Variants in PCSK5 observed in about 807,000 individuals in gnomAD.
The protein encoded by PCSK5 is prohormone convertase 5.
In PCSK5, 129 loss-of-function variants were observed where a neutral mutation model predicts 233.2. That is an observed-to-expected ratio of 0.55 (90% CI 0.48 to 0.64). The LOEUF is 0.64. Among genes scored for constraint, PCSK5 ranks in the 30% least tolerant of loss-of-function variants. The pLI is 0.00. For synonymous variants in PCSK5, 825 were observed against 879.2 expected (o/e 0.94, Z 1.09); for missense variants, 2,076 against 2,430.1 (o/e 0.85, Z 3.06).
intron 33 of PCSK5, among the ~76,000 whole-genome samples, chr9:76,330,474 C>T (rs922581485): frequency 6.6e-6 from 1 of 152,034 alleles, no homozygotes; most frequent in Non-Finnish European, 1.5e-5. Context: ...GTAGGCTGGG[C>T]GCAGTGGCTC....
At chr9:76,113,929 T>C (rs1832324992) in intron 9 of PCSK5, among the ~76,000 whole-genome samples, 1 of 152,120 alleles carries the variant, frequency 6.6e-6, no homozygotes, top group Admixed American at 6.6e-5. Context: ...CTTTTCCTTT[T>C]AAGAGAGTTT....
At chr9:76,265,175 T>C (rs1008823629) in intron 24 of PCSK5, among the ~76,000 whole-genome samples, 1 of 152,088 alleles carries the variant, frequency 6.6e-6, no homozygotes, top group African/African-American at 2.4e-5. Flanking sequence ...AAATACTGCC[T>C]GTTCTCATTT....
chr9:76,264,017 A>G (rs1827261616), intron 24 of PCSK5, among the ~76,000 whole-genome samples: 1 of 152,166 alleles, frequency 6.6e-6, no homozygotes, highest in Admixed American at 6.5e-5. Context: ...CTAAGCAAAA[A>G]GAAGAAAGCT....
intron 32 of PCSK5, among the ~76,000 whole-genome samples, chr9:76,325,136 A>C (rs1482313906): frequency 6.6e-6 from 1 of 152,144 alleles, no homozygotes; most frequent in African/African-American, 2.4e-5. Context: ...CTGTGTCCGC[A>C]TGCAGAAGAG....
rs892413909 is a variant in PCSK5, at chr9:76,064,534, C to T, written c.633-3421C>T. 3.7e-4 allele frequency among the ~76,000 whole-genome samples: 55 copies of T among 149,518 alleles called. 2 individuals are homozygous for T. The highest frequency in any genetic ancestry group is 1.3e-3 in the African/African-American group (52 of 39,954). On this transcript the variant is annotated intron_variant, in intron 5 of 37. Coordinates refer to ENST00000674117, the MANE Select transcript of PCSK5 (RefSeq NM_001372043.1). The stretch of plus-strand genomic sequence containing the variant: ...GAACCCCCCCAACCTCCCTCCCGGA[C>T]GGGGTGGCTGCCGGGCGGAGACGCT...
intron 12 of PCSK5, among the ~76,000 whole-genome samples, chr9:76,159,428 A>G (rs1469779786): frequency 3.3e-5 from 5 of 152,232 alleles, no homozygotes; most frequent in African/African-American, 1.2e-4. Flanking sequence ...TCTTGATCCT[A>G]CAAAAGAATT....
intron 1 of PCSK5, among the ~76,000 whole-genome samples, chr9:75,908,865 C>G: frequency 7.4e-6 from 1 of 135,104 alleles, no homozygotes; most frequent in East Asian, 2.6e-4. Context: ...ATGCATCCTT[C>G]TCTTTCTATT....
chr9:76,008,494 C>G (rs555502574), intron 3 of PCSK5, among the ~76,000 whole-genome samples: 317 of 151,716 alleles, frequency 2.1e-3, no homozygotes, highest in Non-Finnish European at 3.7e-3. Context: ...TGGAGTCTCG[C>G]TCTGTCACCC....
At chr9:76,150,948 TTTTC>T in intron 10 of PCSK5, among the ~76,000 whole-genome samples, 1 of 152,024 alleles carries the variant, frequency 6.6e-6, no homozygotes. Flanking sequence ...ACTTCCCACT[TTTTC>T]TTTCTTCCGT....
chr9:76,180,429 G>A (rs950791804), intron 15 of PCSK5, among the ~76,000 whole-genome samples: 2 of 152,110 alleles, frequency 1.3e-5, no homozygotes, highest in African/African-American at 4.8e-5. Context: ...TAGGCCATCA[G>A]TGTGGCAAAG....
intron 14 of PCSK5, chr9:76,175,460 C>T (rs34807264): frequency 0.065 from 25,453 of 393,150 alleles, 966 homozygotes; most frequent in South Asian, 0.12. Context: ...GTCCATATTG[C>T]GATTGTACCA....
At chr9:76,051,819 G>T (rs914722214) in intron 5 of PCSK5, among the ~76,000 whole-genome samples, 3 of 152,168 alleles carry the variant, frequency 2.0e-5, no homozygotes, top group Admixed American at 1.3e-4. Flanking sequence ...AATCAGACAG[G>T]CTGCTCCCAA....
chr9:76,295,224 G>A, intron 25 of PCSK5, 51 bp from the exon 26 acceptor site: 1 of 1,530,678 alleles, frequency 6.5e-7, no homozygotes, highest in Non-Finnish European at 8.9e-7. Flanking sequence ...TTATGGTGAA[G>A]AGAAATACAT....
intron 30 of PCSK5, among the ~76,000 whole-genome samples, chr9:76,315,939 T>TG (rs200509649): frequency 0.016 from 2,384 of 150,012 alleles, 59 homozygotes; most frequent in African/African-American, 0.054. Flanking sequence ...TTTTTTTTTT[T>TG]TTTTTTTTTT....
chr9:76,054,824 C>T (rs1829761829), intron 5 of PCSK5, among the ~76,000 whole-genome samples: 1 of 152,028 alleles, frequency 6.6e-6, no homozygotes, highest in Non-Finnish European at 1.5e-5. Context: ...TCAGATTTCA[C>T]TGGTTTTGAC....
chr9:76,130,292 C>G (rs977948528), intron 9 of PCSK5, among the ~76,000 whole-genome samples: 9 of 152,124 alleles, frequency 5.9e-5, no homozygotes, highest in Admixed American at 5.9e-4. Context: ...GAGGACGCGA[C>G]GTGCCATACT....
intron 35 of PCSK5, among the ~76,000 whole-genome samples, chr9:76,343,040 C>A (rs532237216): frequency 6.6e-6 from 1 of 152,244 alleles, no homozygotes; most frequent in African/African-American, 2.4e-5. Flanking sequence ...GGTCTTCCTA[C>A]CTTTAGCATT....
At chr9:76,241,960 G>A (rs1215250534) in intron 24 of PCSK5, among the ~76,000 whole-genome samples, 2 of 152,186 alleles carry the variant, frequency 1.3e-5, no homozygotes, top group Non-Finnish European at 2.9e-5. Flanking sequence ...CTGAGGATTT[G>A]TGTTTCTGAC....
At chr9:76,202,747 T>G (rs1354470152) in intron 20 of PCSK5, among the ~76,000 whole-genome samples, 1 of 152,216 alleles carries the variant, frequency 6.6e-6, no homozygotes, top group Non-Finnish European at 1.5e-5. Flanking sequence ...TAGATCTCCT[T>G]AGTGTAAGCT....
Sources: allele counts gnomAD v4.1 joint callset (sites outside exome capture counted in the v4.1 genomes callset), GRCh38; gene constraint gnomAD v4.1.1; transcripts MANE v1.5; gene names NCBI Gene and HGNC (gene_info 2026-07-23, HGNC 2026-07-21).